Variants in RTN3 observed in about 807,000 individuals in gnomAD.
RTN3 encodes reticulon-3.
A neutral mutation model predicts 77.8 loss-of-function variants in RTN3; 49 were observed. The ratio of observed to expected loss-of-function variants is 0.63; its 90% CI spans 0.50 to 0.80. The LOEUF (loss-of-function observed/expected upper bound fraction) is 0.80, where lower values mean the gene tolerates loss of function less well. Among genes scored for constraint, RTN3 ranks in the 30% least tolerant of loss-of-function variants. The pLI is 0.00. For synonymous variants in RTN3, 464 were observed against 446.9 expected, an observed-to-expected ratio of 1.04 and a Z score of -0.48; for missense variants, 1,236 against 1,211.9, an observed-to-expected ratio of 1.02 and a Z score of -0.29.
intron 1 of RTN3, among the ~76,000 whole-genome samples, chr11:63,694,721 G>A (rs1490309186): frequency 6.6e-6 from 1 of 152,084 alleles, no homozygotes; most frequent in South Asian, 2.1e-4. Flanking sequence ...GCCTCCCAAC[G>A]TGCTGGGATC....
intron 8 of RTN3, among the ~76,000 whole-genome samples, chr11:63,757,727 T>C (rs1049751335): frequency 9.4e-5 from 14 of 149,020 alleles, no homozygotes; most frequent in African/African-American, 3.4e-4. Context: ...TTTTTCTTTT[T>C]TTTTTTTTTT....
In RTN3 at chr11:63,718,831, G is replaced by A. The variant is rs748307836; in HGVS notation, c.329G>A (p.Ser110Asn). ...LHGEKSHVLG[S>N]QPILAKEGKD... ...GGAGAAAAAAGCCATGTGTTAGGGAGCCAGCCTATTTTAGCCAAAGAAGGA... is the reference window on the plus strand; with the variant it reads ...GGAGAAAAAAGCCATGTGTTAGGGAACCAGCCTATTTTAGCCAAAGAAGGA... The change falls in exon 3 of 9, where the codon AGC becomes AAC. Residue 110 changes from serine to asparagine, a missense_variant. By Grantham distance (46) the Ser-to-Asn change is conservative. This residue lies in a region of RTN3 where 1,056 missense variants were observed against 990.4 expected (regional missense o/e 1.07). Transcript: ENST00000377819. 3.7e-6 allele frequency: 6 copies of A among 1,614,014 alleles called. No homozygotes were observed. In the African/African-American group the frequency reaches 8.0e-5, roughly 22 times the overall value.
chr11:63,725,640 G>A (rs1322960001), intron 3 of RTN3, among the ~76,000 whole-genome samples: 1 of 152,066 alleles, frequency 6.6e-6, no homozygotes, highest in African/African-American at 2.4e-5. Context: ...TTTTAGTAGA[G>A]TCGGGGTTTC....
At chr11:63,741,692 G>A (rs2013490678) in intron 3 of RTN3, among the ~76,000 whole-genome samples, 1 of 151,738 alleles carries the variant, frequency 6.6e-6, no homozygotes, top group South Asian at 2.1e-4. Context: ...GTAGAGATGG[G>A]GTTCTGCCGT....
At chr11:63,710,225 C>T (rs1942685263) in intron 2 of RTN3, among the ~76,000 whole-genome samples, 1 of 152,112 alleles carries the variant, frequency 6.6e-6, no homozygotes, top group South Asian at 2.1e-4. Flanking sequence ...GAGATGTGGT[C>T]TCACTGTGTT....
intron 3 of RTN3, among the ~76,000 whole-genome samples, chr11:63,725,242 A>G (rs1415246235): frequency 6.6e-6 from 1 of 152,036 alleles, no homozygotes; most frequent in Admixed American, 6.5e-5. Flanking sequence ...TCATGTTATC[A>G]TGTTTGTTGT....
At position 63,681,561 on chromosome 11, in the gene RTN3, G is replaced by C; in HGVS notation, c.-76G>C. On this transcript the variant is annotated 5_prime_UTR_variant, in exon 1 of 9. Transcript: ENST00000377819. ...AAGGGACTTGAGCGAGCCAGTTGCC[G>C]GATTATTCTATTTCCCCTCCCTCTC... 1.4e-6 allele frequency: 2 copies of C among 1,434,268 alleles called. No individual in the cohort carries two copies. The highest frequency in any genetic ancestry group is 1.9e-6 in the Non-Finnish European group (2 of 1,071,098). The allele number at this position is 1,434,268 out of a possible 1,614,324, so 88.8% of individuals were successfully genotyped here. A position where few individuals can be genotyped will look rare whatever the true frequency, so the allele number is the denominator to read the frequency against.
intron 7 of RTN3, among the ~76,000 whole-genome samples, chr11:63,754,719 C>T (rs867416225): frequency 3.2e-4 from 30 of 93,966 alleles, no homozygotes; most frequent in Admixed American, 8.7e-4. Flanking sequence ...AAAAAAAAAA[C>T]GCTTAGATGG....
rs958114305 is a variant in RTN3, at chr11:63,724,173, CTTTTTTT to C, written c.2530+3162_2530+3168del. Among the ~76,000 whole-genome samples, 371 of 85,410 alleles carry C rather than the reference CTTTTTTT, an allele frequency of 4.3e-3. 1 individual carries two copies. Among genetic ancestry groups the C allele is most frequent in the African/African-American group, 9.1e-3 (187 of 20,588 alleles). 56.0% of individuals were successfully genotyped at this position (85,410 alleles called of 152,430 possible). On this transcript the variant is annotated intron_variant, in intron 3 of 8. Transcript: ENST00000377819. ...CCTAGCAATCTTGTTTTTAGGAATT[CTTTTTTT>C]TTTTTTTTTTTTTTTTTTTTGAGAC...
intron 1 of RTN3, among the ~76,000 whole-genome samples, chr11:63,685,520 T>C (rs1941323677): frequency 8.0e-6 from 1 of 125,088 alleles, no homozygotes; most frequent in African/African-American, 3.6e-5. Context: ...GTTACTGCAA[T>C]GTGTTGTAAT....
At position 63,750,119 on chromosome 11, in the gene RTN3, C is replaced by G. The variant is rs865951509; in HGVS notation, c.2659C>G (p.Leu887Val). Reference protein sequence around the residue: ...SVVSYLILALLSVTISFRIYK... With the variant: ...SVVSYLILALVSVTISFRIYK... ...GGTTTCTTACCTCATCCTGGCTCTT[C>G]TCTCTGTCACCATCAGCTTCAGGAT... The change falls in exon 4 of 9, where the codon CTC becomes GTC. Residue 887 changes from leucine to valine, a missense_variant. Leu to Val is a conservative substitution (Grantham distance 32). Transcript: ENST00000377819. The G allele has an allele frequency of 6.2e-7, 1 of 1,612,798 alleles. No individual in the cohort carries two copies.
chr11:63,722,219 T>C (rs1335677069), intron 3 of RTN3, among the ~76,000 whole-genome samples: 1 of 152,120 alleles, frequency 6.6e-6, no homozygotes, highest in African/African-American at 2.4e-5. Context: ...AGGTCTGTGG[T>C]TTTTAAACTA....
chr11:63,707,955 G>C (rs1364735104), intron 2 of RTN3, among the ~76,000 whole-genome samples: 1 of 152,186 alleles, frequency 6.6e-6, no homozygotes, highest in Non-Finnish European at 1.5e-5. Flanking sequence ...TAGCCCAGTG[G>C]GGCCCTACGT....
At chr11:63,684,977 C>T (rs1432292877) in intron 1 of RTN3, among the ~76,000 whole-genome samples, 2 of 151,846 alleles carry the variant, frequency 1.3e-5, no homozygotes, top group African/African-American at 4.8e-5. Context: ...CCAGGCTGGT[C>T]TTGAACTCCT....
intron 2 of RTN3, among the ~76,000 whole-genome samples, chr11:63,710,891 C>T (rs1005132168): frequency 2.0e-5 from 3 of 152,140 alleles, no homozygotes; most frequent in African/African-American, 7.2e-5. Context: ...TGTCTTTGTG[C>T]TCGGTTATTA....
rs191695213 is a variant in RTN3, at chr11:63,756,143, G to A, written c.3026G>A (p.Arg1009Gln). 499 of 1,613,278 alleles carry A rather than the reference G, an allele frequency of 3.1e-4. 8 individuals are homozygous for A. The Admixed American group carries it at 8.0e-3, about 26-fold the overall frequency. The part of the protein sequence containing the change: ...TQIDHYVGIA[R>Q]DQTKSIVEKI... ...ATTGATCACTATGTTGGCATCGCCC[G>A]AGATCAGACCAAGTCAATTGTTGAA... The change falls in exon 8 of 9, where the codon CGA becomes CAA. Residue 1009 changes from arginine to glutamine, a missense_variant. By Grantham distance (43) the Arg-to-Gln change is conservative. Around this residue, in one of 3 missense-constraint regions of RTN3, gnomAD observed 141 missense variants for 154.9 expected, o/e 0.91. Transcript: ENST00000377819.
At position 63,753,107 on chromosome 11, in the gene RTN3, T is replaced by A; in HGVS notation, c.2916T>A (p.Ala972=). The part of the protein sequence containing the change: ...VFMWLMTYVG[A]VFNGITLLIL... ...TGTGGCTGATGACCTATGTTGGTGCTGTTTTTAACGGAATCACCCTTCTAA... is the reference window on the plus strand; with the variant it reads ...TGTGGCTGATGACCTATGTTGGTGCAGTTTTTAACGGAATCACCCTTCTAA... Residue 972 remains alanine, a synonymous_variant, in exon 6 of 9, where the codon GCT becomes GCA. Coordinates refer to ENST00000377819, the MANE Select transcript of RTN3 (RefSeq NM_001265589.2). 6.2e-7 allele frequency: 1 copy of A among 1,614,222 alleles called. No homozygotes were observed.
At chr11:63,706,467 T>A (rs1160455332) in intron 2 of RTN3, among the ~76,000 whole-genome samples, 1 of 152,202 alleles carries the variant, frequency 6.6e-6, no homozygotes, top group Non-Finnish European at 1.5e-5. Flanking sequence ...TCCACAGTGC[T>A]GGGATTATAA....
At chr11:63,742,869 T>TTTTG (rs527982138) in intron 3 of RTN3, among the ~76,000 whole-genome samples, 22 of 151,852 alleles carry the variant, frequency 1.4e-4, no homozygotes, top group East Asian at 7.7e-4. Flanking sequence ...ATATATATAT[T>TTTTG]TTTGTTTGTT....
Sources: allele counts gnomAD v4.1 joint callset (sites outside exome capture counted in the v4.1 genomes callset), GRCh38; gene constraint gnomAD v4.1.1; regional missense constraint gnomAD v4.1.1; transcripts MANE v1.5; gene names NCBI Gene and HGNC (gene_info 2026-07-23, HGNC 2026-07-21).